The following RBFOX1 variants were observed in gnomAD, a reference collection of about 807,000 sequenced individuals.
RBFOX1 encodes the protein RNA binding protein fox-1 homolog 1.
Under a neutral mutation model 57.7 loss-of-function variants are expected in RBFOX1, and 8 were observed. The ratio of observed to expected loss-of-function variants is 0.14; its 90% confidence interval spans 0.08 to 0.25. RBFOX1 has a LOEUF of 0.25. Ranked by LOEUF, RBFOX1 falls within the 10% of genes least tolerant of loss-of-function variation. The pLI, the probability that RBFOX1 is intolerant of heterozygous loss-of-function variation, is 1.00. For missense variants in RBFOX1, 611 were observed against 548.5 expected (o/e 1.11, Z -1.14); for synonymous variants, 326 against 222.4 (o/e 1.47, Z -4.15).
chr16:6,996,472 C>T (rs2092256998), intron 3 of RBFOX1, among the ~76,000 whole-genome samples: 1 of 152,094 alleles, frequency 6.6e-6, no homozygotes, highest in South Asian at 2.1e-4. Context: ...TATATATATC[C>T]ATCCTCCTAT....
intron 1 of RBFOX1, among the ~76,000 whole-genome samples, chr16:6,311,590 C>A (rs144604996): frequency 6.6e-6 from 1 of 152,278 alleles, no homozygotes; most frequent in Non-Finnish European, 1.5e-5. Flanking sequence ...AAAGCAACCA[C>A]AGGTTTACAG....
chr16:7,618,007 TA>T (rs35612730), intron 10 of RBFOX1, among the ~76,000 whole-genome samples: 8 of 149,836 alleles, frequency 5.3e-5, no homozygotes, highest in Admixed American at 2.0e-4. Flanking sequence ...TGAGAAAACT[TA>T]AAAAAAAAAT....
At chr16:7,532,174 C>A (rs978985145) in intron 5 of RBFOX1, among the ~76,000 whole-genome samples, 27 of 148,912 alleles carry the variant, frequency 1.8e-4, no homozygotes, top group Admixed American at 1.3e-3. Context: ...GTAGGTGTAG[C>A]ATTCCAATGA....
At chr16:7,077,885 G>A (rs1198609696) in intron 4 of RBFOX1, among the ~76,000 whole-genome samples, 1 of 152,122 alleles carries the variant, frequency 6.6e-6, no homozygotes, top group Non-Finnish European at 1.5e-5. Flanking sequence ...TCCCTTTTAA[G>A]CAACTTGAGA....
intron 12 of RBFOX1, among the ~76,000 whole-genome samples, chr16:7,654,798 C>G (rs2065915080): frequency 6.6e-6 from 1 of 152,130 alleles, no homozygotes; most frequent in Non-Finnish European, 1.5e-5. Context: ...TTTGCAAGGT[C>G]TAGAGACATT....
intron 5 of RBFOX1, among the ~76,000 whole-genome samples, chr16:7,524,383 C>T (rs1239133026): frequency 6.6e-6 from 1 of 152,076 alleles, no homozygotes; most frequent in Non-Finnish European, 1.5e-5. Flanking sequence ...TTTTTTTCTG[C>T]TGAATTTCTA....
At chr16:6,667,635 G>A (rs1011466363) in intron 3 of RBFOX1, among the ~76,000 whole-genome samples, 6 of 152,032 alleles carry the variant, frequency 3.9e-5, no homozygotes, top group African/African-American at 9.7e-5. Context: ...GAATCCTAGC[G>A]CTTTTTGGAC....
intron 1 of RBFOX1, among the ~76,000 whole-genome samples, chr16:5,312,492 T>C (rs767568971): frequency 1.1e-4 from 16 of 151,926 alleles, no homozygotes; most frequent in Non-Finnish European, 2.1e-4. Context: ...AATTTTGTGG[T>C]TTTTAGTAGA....
intron 4 of RBFOX1, among the ~76,000 whole-genome samples, chr16:7,085,957 A>T (rs1052450059): frequency 6.6e-6 from 1 of 152,152 alleles, no homozygotes; most frequent in Non-Finnish European, 1.5e-5. Flanking sequence ...TGTACTAAGC[A>T]GATTGGTCAG....
At chr16:6,522,863 C>G (rs922695101) in intron 2 of RBFOX1, among the ~76,000 whole-genome samples, 6 of 152,218 alleles carry the variant, frequency 3.9e-5, no homozygotes, top group Admixed American at 6.5e-5. Context: ...ACTTCTCTCT[C>G]TAGCCACACT....
intron 5 of RBFOX1, among the ~76,000 whole-genome samples, chr16:7,563,046 G>C (rs560807330): frequency 2.0e-5 from 3 of 152,232 alleles, no homozygotes; most frequent in African/African-American, 7.2e-5. Flanking sequence ...CCCATGTAGG[G>C]ACTAAACATC....
intron 1 of RBFOX1, among the ~76,000 whole-genome samples, chr16:5,266,339 G>T (rs1290552481): frequency 2.6e-5 from 4 of 152,146 alleles, no homozygotes; most frequent in Admixed American, 2.6e-4. Flanking sequence ...GCAACCACCA[G>T]TGTCCCCAGA....
chr16:6,152,847 C>G (rs2096807399), intron 1 of RBFOX1, among the ~76,000 whole-genome samples: 1 of 152,052 alleles, frequency 6.6e-6, no homozygotes, highest in Non-Finnish European at 1.5e-5. Context: ...AGAGACCTTA[C>G]TTGAACAAAG....
At chr16:7,528,703 G>A (rs2079259496) in intron 5 of RBFOX1, among the ~76,000 whole-genome samples, 3 of 152,154 alleles carry the variant, frequency 2.0e-5, no homozygotes, top group Admixed American at 2.0e-4. Flanking sequence ...TTTGTGGGCA[G>A]TATTTGGGTC....
chr16:6,955,082 A>G (rs9923042), intron 3 of RBFOX1, among the ~76,000 whole-genome samples: 56,963 of 145,744 alleles, frequency 0.39, 11,424 homozygotes, highest in Non-Finnish European at 0.43. Flanking sequence ...AAAAAAAAAC[A>G]CACAAAAAAT....
intron 2 of RBFOX1, among the ~76,000 whole-genome samples, chr16:6,424,287 G>A (rs1474208297): frequency 1.3e-5 from 2 of 152,224 alleles, no homozygotes; most frequent in East Asian, 3.9e-4. Context: ...CAACAGAAGT[G>A]TTGCCTGCAT....
intron 3 of RBFOX1, among the ~76,000 whole-genome samples, chr16:6,959,865 A>G (rs985911937): frequency 6.6e-6 from 1 of 152,150 alleles, no homozygotes; most frequent in Non-Finnish European, 1.5e-5. Flanking sequence ...TGAACCTAGG[A>G]GGCGGACATG....
rs144803822 is a variant in RBFOX1, at chr16:6,970,508, C to T, written c.-15-81549C>T. Among the ~76,000 whole-genome samples the T allele has an allele frequency of 1.2e-4, 19 of 152,210 alleles. No homozygotes were observed. The South Asian group carries it at 3.7e-3, about 30-fold the overall frequency. On this transcript the variant is annotated intron_variant, in intron 3 of 15. Coordinates refer to ENST00000550418, the MANE Select transcript of RBFOX1 (RefSeq NM_018723.4). The stretch of plus-strand genomic sequence containing the variant: ...TTCTGGAAGCTGGGCATTCTAAGAT[C>T]AGAGACATCAGTAGATTCAGTGTCC...
At chr16:7,381,500 C>T (rs2097781420) in intron 4 of RBFOX1, among the ~76,000 whole-genome samples, 1 of 151,654 alleles carries the variant, frequency 6.6e-6, no homozygotes. Flanking sequence ...CATCGTTCCC[C>T]CCCGCCTTTT....
Sources: allele counts gnomAD v4.1 joint callset (sites outside exome capture counted in the v4.1 genomes callset), GRCh38; gene constraint gnomAD v4.1.1; transcripts MANE v1.5; gene names NCBI Gene and HGNC (gene_info 2026-07-23, HGNC 2026-07-21).